Variants in ZBTB20 observed in about 807,000 individuals in gnomAD.
ZBTB20 encodes the protein zinc finger and BTB domain containing 20, also known as zinc finger and BTB domain-containing protein 20.
Under a neutral mutation model 56.9 loss-of-function variants are expected in ZBTB20, and 9 were observed. That is an observed-to-expected ratio of 0.16 (90% CI 0.10 to 0.28). ZBTB20 has a LOEUF of 0.28. ZBTB20 is among the 10% of genes least tolerant of loss of function. The pLI is 1.00. For synonymous variants in ZBTB20, 417 were observed against 420.7 expected (o/e 0.99, Z 0.11); for missense variants, 655 against 1,003.0 (o/e 0.65, Z 4.69).
At chr3:114,697,652 C>T (rs1028384120) in intron 5 of ZBTB20, among the ~76,000 whole-genome samples, 1 of 151,596 alleles carries the variant, frequency 6.6e-6, no homozygotes, top group Non-Finnish European at 1.5e-5. Flanking sequence ...AGTGATGTTG[C>T]GTAACTGAGT....
At chr3:114,392,608 T>C (rs942018290) in intron 7 of ZBTB20, among the ~76,000 whole-genome samples, 3 of 152,234 alleles carry the variant, frequency 2.0e-5, no homozygotes, top group Non-Finnish European at 4.4e-5. Context: ...CAATCTGCTA[T>C]TATGCCACAT....
intron 7 of ZBTB20, among the ~76,000 whole-genome samples, chr3:114,494,081 T>C (rs958311585): frequency 6.6e-6 from 1 of 152,236 alleles, no homozygotes; most frequent in Admixed American, 6.5e-5. Flanking sequence ...AGCATCTACT[T>C]AATAGGGTAG....
chr3:115,024,322 T>TG (rs1467175248), intron 2 of ZBTB20, among the ~76,000 whole-genome samples: 2 of 150,926 alleles, frequency 1.3e-5, no homozygotes, highest in Non-Finnish European at 1.5e-5. Flanking sequence ...ACGGAAGAGC[T>TG]TACAACCTAG....
At chr3:114,429,261 C>T (rs2089944689) in intron 7 of ZBTB20, among the ~76,000 whole-genome samples, 1 of 152,066 alleles carries the variant, frequency 6.6e-6, no homozygotes, top group African/African-American at 2.4e-5. Context: ...TACAATACAA[C>T]CTCTTAAATA....
At chr3:114,870,231 A>G (rs1443774487) in intron 4 of ZBTB20, among the ~76,000 whole-genome samples, 1 of 152,088 alleles carries the variant, frequency 6.6e-6, no homozygotes, top group Non-Finnish European at 1.5e-5. Flanking sequence ...TATTCCAGAA[A>G]ATAATAATGT....
intron 1 of ZBTB20, among the ~76,000 whole-genome samples, chr3:115,083,661 T>TA: frequency 6.6e-6 from 1 of 152,182 alleles, no homozygotes; most frequent in African/African-American, 2.4e-5. Flanking sequence ...GCTATAATTA[T>TA]AGCTCATGCT....
At chr3:114,592,868 A>C (rs746816418) in intron 6 of ZBTB20, among the ~76,000 whole-genome samples, 6 of 152,148 alleles carry the variant, frequency 3.9e-5, no homozygotes, top group African/African-American at 1.4e-4. Flanking sequence ...GTCTATTCTT[A>C]TACATTCACA....
chr3:115,018,396 C>A (rs1288985879), intron 2 of ZBTB20, among the ~76,000 whole-genome samples: 1 of 151,280 alleles, frequency 6.6e-6, no homozygotes, highest in East Asian at 1.9e-4. Flanking sequence ...AAACAACAAA[C>A]CAAAAAAGGT....
chr3:114,842,903 C>T (rs75426810), intron 4 of ZBTB20, among the ~76,000 whole-genome samples: 1,748 of 152,296 alleles, frequency 0.011, 39 homozygotes, highest in African/African-American at 0.039. Context: ...CCAACCAAAT[C>T]TTACCTTGAA....
chr3:114,721,473 A>G (rs1342990543), intron 5 of ZBTB20, among the ~76,000 whole-genome samples: 3 of 152,292 alleles, frequency 2.0e-5, no homozygotes, highest in East Asian at 3.9e-4. Context: ...GGAGGAAAAA[A>G]TAACAATATT....
At chr3:114,931,319 C>A in intron 3 of ZBTB20, 1 of 203,832 alleles carries the variant, frequency 4.9e-6, no homozygotes, top group East Asian at 1.4e-4. Context: ...CAGCAGCGAC[C>A]TCAACATCGG....
At chr3:114,687,092 A>AT (rs1343043556) in intron 6 of ZBTB20, 3 of 152,064 alleles carry the variant, frequency 2.0e-5, no homozygotes, top group Non-Finnish European at 4.4e-5. Context: ...AAAATGTATG[A>AT]TTTTTCCCCA....
At chr3:114,855,715 A>G (rs1296913001) in intron 4 of ZBTB20, among the ~76,000 whole-genome samples, 1 of 152,168 alleles carries the variant, frequency 6.6e-6, no homozygotes, top group African/African-American at 2.4e-5. Context: ...AGAACCCTGT[A>G]GGAGAGGAAG....
rs911947401 is a variant in ZBTB20, at chr3:114,989,776, G to A, written c.-506-15360C>T. Reference sequence around the variant, plus strand: ...ATTTGTTTGTGTCCTCTTTTATTTCGTTGAGCAGTGGTTTGTAGTTGTCCT... The same window carrying A: ...ATTTGTTTGTGTCCTCTTTTATTTCATTGAGCAGTGGTTTGTAGTTGTCCT... On this transcript the variant is annotated intron_variant, in intron 2 of 11. Transcript: ENST00000675478. 6.9e-4 allele frequency among the ~76,000 whole-genome samples: 105 copies of A among 151,614 alleles called. 1 individual carries two copies. Among genetic ancestry groups the A allele is most frequent in the African/African-American group, 2.4e-3 (99 of 41,290 alleles).
intron 10 of ZBTB20, among the ~76,000 whole-genome samples, chr3:114,379,421 G>A (rs2084045925): frequency 6.6e-6 from 1 of 152,022 alleles, no homozygotes; most frequent in Non-Finnish European, 1.5e-5. Context: ...CTTTTTCTCT[G>A]AAGTATTGGG....
chr3:114,812,868 G>C (rs1441099634), intron 4 of ZBTB20, among the ~76,000 whole-genome samples: 2 of 152,246 alleles, frequency 1.3e-5, no homozygotes, highest in Non-Finnish European at 2.9e-5. Context: ...GGCCCGGCGA[G>C]AAATTGAGCA....
At chr3:114,513,143 G>A (rs2045594339) in intron 6 of ZBTB20, among the ~76,000 whole-genome samples, 1 of 152,164 alleles carries the variant, frequency 6.6e-6, no homozygotes, top group Admixed American at 6.5e-5. Flanking sequence ...AAAAATGGGA[G>A]AATTTAATGT....
intron 4 of ZBTB20, among the ~76,000 whole-genome samples, chr3:114,887,897 T>A (rs921529897): frequency 4.6e-5 from 7 of 151,750 alleles, no homozygotes; most frequent in African/African-American, 1.7e-4. Flanking sequence ...TAAGGACAAA[T>A]AAAAATCAAT....
intron 5 of ZBTB20, among the ~76,000 whole-genome samples, chr3:114,712,622 C>T (rs2064170206): frequency 1.4e-5 from 2 of 147,270 alleles, no homozygotes; most frequent in Admixed American, 6.8e-5. Flanking sequence ...CATTGCACTC[C>T]AGCCTGAGCA....
Sources: allele counts gnomAD v4.1 joint callset (sites outside exome capture counted in the v4.1 genomes callset), GRCh38; gene constraint gnomAD v4.1.1; transcripts MANE v1.5; gene names NCBI Gene and HGNC (gene_info 2026-07-23, HGNC 2026-07-21).